The following RFC5 variants were observed in gnomAD, a reference collection of about 807,000 sequenced individuals.
The protein encoded by RFC5 is replication factor C subunit 5, also known as A1 36 kDa subunit.
RFC5 carries 26 observed loss-of-function variants against 44.3 expected under a neutral mutation model. The ratio of observed to expected loss-of-function variants is 0.59; its 90% confidence interval spans 0.43 to 0.81. The LOEUF is 0.81. Among genes scored for constraint, RFC5 ranks in the 40% least tolerant of loss-of-function variants. RFC5 has a pLI of 0.00. For missense variants in RFC5, 328 were observed against 418.6 expected, an observed-to-expected ratio of 0.78 and a Z score of 1.89; for synonymous variants, 155 against 155.2, an observed-to-expected ratio of 1.00 and a Z score of 0.01.
At position 118,025,832 on chromosome 12, in the gene RFC5, T is replaced by G; in HGVS notation, c.663+4T>G. ...TAGGGCTCTGAACATTTTGCAGGTA[T>G]GGTCTCAAGCAAATCCTTTTTTTTT... On this transcript the variant is annotated splice_donor_region_variant and intron_variant, in intron 7 of 10. Transcript: ENST00000454402. The G allele has an allele frequency of 6.5e-7, 1 of 1,547,932 alleles. No individual in the cohort carries two copies. Among genetic ancestry groups the G allele is most frequent in the Non-Finnish European group, 8.9e-7 (1 of 1,123,488 alleles).
chr12:118,018,263 T>C (rs1405352832), intron 1 of RFC5, among the ~76,000 whole-genome samples: 5 of 152,192 alleles, frequency 3.3e-5, no homozygotes, highest in Admixed American at 6.5e-5. Flanking sequence ...CAAATGCACT[T>C]TGCAATAGTA....
At chr12:118,026,742 G>T in intron 7 of RFC5, 147 bp from the exon 8 acceptor site, 1 of 783,374 alleles carries the variant, frequency 1.3e-6, no homozygotes, top group African/African-American at 1.7e-5. Context: ...TTCCGGTATT[G>T]AATATGTGGG....
At chr12:118,035,462 T>C (rs2031490082), downstream of RFC5, 1 of 708,332 alleles carries the variant, frequency 1.4e-6, no homozygotes. Context: ...GTGGAAAAGC[T>C]TGGGATTTGC....
At chr12:118,041,243 G>C in the RFC5 span, among the ~76,000 whole-genome samples, 4 of 152,134 alleles carry the variant, frequency 2.6e-5, no homozygotes, top group Non-Finnish European at 5.9e-5. Context: ...AATAGGTCAT[G>C]AGGGTGAAGC....
chr12:118,038,367 G>A, the RFC5 span: 1 of 1,614,072 alleles, frequency 6.2e-7, no homozygotes, highest in East Asian at 2.2e-5. Context: ...CAGGTGGCCC[G>A]ATAACACTTG....
At position 118,032,115 on chromosome 12, in the gene RFC5, G is replaced by A. The variant is rs1278081868; in HGVS notation, c.*837G>A. ...ACAAAGCAGCCTCCTGGCTGGCTGTGTTACAAGTGACTCTTCCTTAGACAG... is the reference window on the plus strand; with the variant it reads ...ACAAAGCAGCCTCCTGGCTGGCTGTATTACAAGTGACTCTTCCTTAGACAG... On this transcript the variant is annotated 3_prime_UTR_variant, in exon 11 of 11. Coordinates refer to ENST00000454402, the MANE Select transcript of RFC5 (RefSeq NM_007370.7). 1 of 152,196 alleles carries A rather than the reference G, an allele frequency of 6.6e-6. No homozygotes were observed. The highest frequency in any genetic ancestry group is 1.5e-5 in the Non-Finnish European group (1 of 68,034). 9.4% of individuals were successfully genotyped at this position (152,196 alleles called of 1,614,324 possible).
intron 1 of RFC5, chr12:118,018,067 TA>T (rs1177290128): frequency 5.7e-6 from 4 of 699,670 alleles, no homozygotes; most frequent in Non-Finnish European, 7.8e-6. Flanking sequence ...AGTGGAATCC[TA>T]CACTATGTGG....
At chr12:118,020,253 G>A (rs1425533711) in intron 3 of RFC5, among the ~76,000 whole-genome samples, 1 of 152,316 alleles carries the variant, frequency 6.6e-6, no homozygotes, top group East Asian at 1.9e-4. Flanking sequence ...TGGCCCACCT[G>A]TAGGGTACAT....
chr12:118,033,844 A>G (rs2031435925), downstream of RFC5: 2 of 268,062 alleles, frequency 7.5e-6, no homozygotes, highest in Admixed American at 9.4e-5. Context: ...CTGCCACTAG[A>G]GAGGCTCTGG....
chr12:118,017,521 A>G (rs528703921), intron 1 of RFC5, among the ~76,000 whole-genome samples: 27 of 152,260 alleles, frequency 1.8e-4, no homozygotes, highest in African/African-American at 5.3e-4. Context: ...TTAAACAGCT[A>G]TGTTCTCGCA....
Position 118,026,965 on chromosome 12 carries a change from T to C in RFC5, c.740T>C (p.Ile247Thr). ...ACCGGGCACCCGCTCAAGTCAGACATTGCCAACATCCTGGACTGGATGTTG... is the reference window on the plus strand; with the variant it reads ...ACCGGGCACCCGCTCAAGTCAGACACTGCCAACATCCTGGACTGGATGTTG... The part of the protein sequence containing the change: ...TCTGHPLKSD[I>T]ANILDWMLNQ... Residue 247 changes from isoleucine (I) to threonine (T), a missense_variant, in exon 8 of 11, where the codon ATT (isoleucine) becomes ACT (threonine). Ile to Thr is a moderately conservative substitution (Grantham distance 89). Coordinates refer to ENST00000454402, the MANE Select transcript of RFC5 (RefSeq NM_007370.7). The C allele has an allele frequency of 6.2e-7, 1 of 1,613,960 alleles. No homozygotes were observed. The highest frequency in any genetic ancestry group is 1.3e-5 in the African/African-American group (1 of 75,032).
chr12:118,036,640 C>T (rs2031518094), downstream of RFC5: 1 of 939,448 alleles, frequency 1.1e-6, no homozygotes, highest in East Asian at 2.5e-5. Flanking sequence ...CCCTTTTCTA[C>T]AGCTCTTCCA....
intron 1 of RFC5, chr12:118,017,667 A>G (rs1315405257): frequency 2.0e-6 from 2 of 1,006,676 alleles, no homozygotes; most frequent in Non-Finnish European, 1.3e-6. Flanking sequence ...TATTTTATGT[A>G]TTTACGTATT....
chr12:118,027,990 G>A lies in RFC5; in HGVS notation c.831G>A (p.Leu277=). 1 of 1,610,808 alleles carries A rather than the reference G, an allele frequency of 6.2e-7. No individual in the cohort carries two copies. ...TGAAAACTCTGAAGGGGTTGGCACT[G>A]CATGATATCCTGACAGAGATACACT... is the stretch of plus-strand genomic sequence containing the variant. The part of the protein sequence containing the change: ...TELKTLKGLA[L]HDILTEIHLF... The change falls in exon 9 of 11, where the codon CTG becomes CTA. Residue 277 remains leucine, a synonymous_variant. Transcript: ENST00000454402.
At chr12:118,021,084 A>G in intron 4 of RFC5, 99 bp downstream of exon 4, 1 of 594,980 alleles carries the variant, frequency 1.7e-6, no homozygotes, top group Non-Finnish European at 2.9e-6. Flanking sequence ...ATATGGGTTG[A>G]AAAAAAAAGT....
chr12:118,025,386 A>G (rs553822123), intron 6 of RFC5: 117 of 318,668 alleles, frequency 3.7e-4, no homozygotes, highest in Non-Finnish European at 5.8e-4. Flanking sequence ...GATGCCAAGC[A>G]AGTAGCCGAC....
chr12:118,028,491 A>C (rs967509413), intron 9 of RFC5, among the ~76,000 whole-genome samples: 1 of 151,132 alleles, frequency 6.6e-6, no homozygotes, highest in African/African-American at 2.5e-5. Context: ...CTCAAAAAAA[A>C]AAACAAAACA....
intron 5 of RFC5, 38 bp downstream of exon 5, chr12:118,022,397 C>T (rs747593804): frequency 6.6e-6 from 9 of 1,373,398 alleles, no homozygotes; most frequent in Non-Finnish European, 6.2e-6. Context: ...GGCTGGTGTG[C>T]ACACTGGAAG....
At chr12:118,033,054 C>T (rs2031404505), downstream of RFC5, 2 of 151,904 alleles carry the variant, frequency 1.3e-5, no homozygotes, top group Non-Finnish European at 2.9e-5. Context: ...CATAAAGCAC[C>T]GATTAAGAAA....
Sources: allele counts gnomAD v4.1 joint callset (sites outside exome capture counted in the v4.1 genomes callset), GRCh38; gene constraint gnomAD v4.1.1; transcripts MANE v1.5; gene names NCBI Gene and HGNC (gene_info 2026-07-23, HGNC 2026-07-21).